PALS2: variants seen among roughly 807,000 people sequenced by gnomAD.
PALS2 encodes protein PALS2.
Under a neutral mutation model 61.6 loss-of-function variants are expected in PALS2, and 27 were observed. The ratio of observed to expected loss-of-function variants is 0.44; its 90% CI spans 0.32 to 0.60. The LOEUF is 0.60. Ranked by LOEUF, PALS2 falls within the 20% of genes least tolerant of loss-of-function variation. The pLI is 0.05. For missense variants in PALS2, 554 were observed against 639.4 expected, an observed-to-expected ratio of 0.87 and a Z score of 1.44; for synonymous variants, 236 against 218.6, an observed-to-expected ratio of 1.08 and a Z score of -0.70.
intron 9 of PALS2, among the ~76,000 whole-genome samples, chr7:24,674,793 T>C (rs1787474848): frequency 6.6e-6 from 1 of 152,160 alleles, no homozygotes; most frequent in African/African-American, 2.4e-5. Flanking sequence ...AGAAAAACAT[T>C]GTTATTTTAG....
intron 8 of PALS2, among the ~76,000 whole-genome samples, chr7:24,667,473 T>C (rs1172410265): frequency 6.6e-6 from 1 of 152,122 alleles, no homozygotes; most frequent in Non-Finnish European, 1.5e-5. Flanking sequence ...GGAACTTACT[T>C]AAGCAACCAC....
Position 24,574,488 on chromosome 7 carries a change from T to A in PALS2, c.-3+895T>A, listed in dbSNP as rs1460180056. 5.3e-5 allele frequency among the ~76,000 whole-genome samples: 8 copies of A among 152,054 alleles called. No individual in the cohort carries two copies. In the East Asian group the frequency reaches 1.5e-3, roughly 29 times the overall value. Reference sequence around the variant, plus strand: ...TCTGGGATTGCAGCTCGAGATTACATTTGTTAAACTTCCATCAGTTGGGTG... The same window carrying A: ...TCTGGGATTGCAGCTCGAGATTACAATTGTTAAACTTCCATCAGTTGGGTG... On this transcript the variant is annotated intron_variant, in intron 1 of 11. Coordinates refer to ENST00000222644, the MANE Select transcript of PALS2 (RefSeq NM_001303037.2).
chr7:24,657,344 T>C (rs1786474518), intron 5 of PALS2, among the ~76,000 whole-genome samples: 1 of 152,196 alleles, frequency 6.6e-6, no homozygotes, highest in Non-Finnish European at 1.5e-5. Context: ...TATATGAAAG[T>C]TCCAATTACT....
chr7:24,599,253 C>T (rs2128046636), intron 1 of PALS2, among the ~76,000 whole-genome samples: 1 of 152,180 alleles, frequency 6.6e-6, no homozygotes, highest in East Asian at 1.9e-4. Flanking sequence ...ATGAATGGAG[C>T]TTGCAGAACT....
At position 24,679,224 on chromosome 7, in the gene PALS2, A is replaced by G. The variant is rs751658191; in HGVS notation, c.1208A>G (p.Lys403Arg). 5.6e-6 allele frequency: 9 copies of G among 1,613,924 alleles called. No individual in the cohort carries two copies. The highest frequency in any genetic ancestry group is 1.3e-5 in the African/African-American group (1 of 74,926). The change falls in exon 10 of 12, where the codon AAG (lysine) becomes AGG (arginine). Residue 403 changes from lysine (K) to arginine (R), a missense_variant. Lys to Arg is a conservative substitution (Grantham distance 26). Transcript: ENST00000222644. ...SEMEADIKAGKYLEHGEYEGN... is the reference protein window; with the variant it reads ...SEMEADIKAGRYLEHGEYEGN... ...ATGGAAGCAGATATTAAAGCTGGAA[A>G]GTATTTGGAACATGGGGAATATGAA...
At chr7:24,619,289 G>T (rs75743759) in intron 1 of PALS2, among the ~76,000 whole-genome samples, 9,597 of 152,108 alleles carry the variant, frequency 0.063, 351 homozygotes, top group African/African-American at 0.093. Context: ...GGAGGCTCAT[G>T]CTTTTGTTTG....
chr7:24,670,993 A>G (rs1242308790), intron 9 of PALS2, among the ~76,000 whole-genome samples: 1 of 152,198 alleles, frequency 6.6e-6, no homozygotes, highest in African/African-American at 2.4e-5. Context: ...CAGCATTTGT[A>G]TACAGGTATT....
chr7:24,635,780 A>G (rs554412209), intron 2 of PALS2, among the ~76,000 whole-genome samples: 1 of 152,230 alleles, frequency 6.6e-6, no homozygotes, highest in South Asian at 2.1e-4. Flanking sequence ...ATTTTATTTT[A>G]TGGATATGTC....
chr7:24,594,543 G>C (rs193074324), intron 1 of PALS2, among the ~76,000 whole-genome samples: 3 of 152,164 alleles, frequency 2.0e-5, no homozygotes, highest in Admixed American at 1.3e-4. Flanking sequence ...AGAGATTATT[G>C]TAGAATTATT....
At chr7:24,640,072 C>G (rs1045875037) in intron 2 of PALS2, among the ~76,000 whole-genome samples, 2 of 151,988 alleles carry the variant, frequency 1.3e-5, no homozygotes, top group Non-Finnish European at 2.9e-5. Flanking sequence ...CCATCTTGGC[C>G]TCCCAAAGTG....
intron 3 of PALS2, 152 bp downstream of exon 3, chr7:24,642,020 A>G (rs1785583412): frequency 1.3e-6 from 1 of 764,892 alleles, no homozygotes. Context: ...TAATGTCCTC[A>G]TATGCTGAGG....
chr7:24,679,062 A>T, intron 9 of PALS2, 69 bp from the exon 10 acceptor site: 1 of 1,396,226 alleles, frequency 7.2e-7, no homozygotes, highest in Non-Finnish European at 1.0e-6. Flanking sequence ...AAGCCACCCT[A>T]TGTATTTTAG....
intron 1 of PALS2, among the ~76,000 whole-genome samples, chr7:24,601,622 T>G (rs1486821926): frequency 1.3e-5 from 2 of 152,142 alleles, no homozygotes; most frequent in East Asian, 1.9e-4. Flanking sequence ...GCATGTCTTT[T>G]TTTTTGTTTT....
At chr7:24,631,882 GCA>G (rs1785011061) in intron 2 of PALS2, among the ~76,000 whole-genome samples, 2 of 152,260 alleles carry the variant, frequency 1.3e-5, no homozygotes, top group Admixed American at 1.3e-4. Context: ...TATTGCAGTT[GCA>G]CACTTAATAG....
At chr7:24,673,281 G>A (rs1462511981) in intron 9 of PALS2, among the ~76,000 whole-genome samples, 6 of 151,804 alleles carry the variant, frequency 4.0e-5, no homozygotes, top group Non-Finnish European at 8.8e-5. Context: ...GTCTTTTTTT[G>A]TATACTTCTA....
intron 9 of PALS2, among the ~76,000 whole-genome samples, chr7:24,669,766 T>C (rs77686030): frequency 0.039 from 5,922 of 152,310 alleles, 154 homozygotes; most frequent in Non-Finnish European, 0.058. Flanking sequence ...GTGCTACTTA[T>C]AATCCCTTCA....
At chr7:24,679,933 A>G (rs943736110) in intron 10 of PALS2, among the ~76,000 whole-genome samples, 17 of 152,154 alleles carry the variant, frequency 1.1e-4, no homozygotes, top group Non-Finnish European at 2.9e-5. Context: ...GAAAAATTCT[A>G]TATAGATTCT....
chr7:24,573,600 T>C lies in PALS2; in HGVS notation c.-3+7T>C. On this transcript the variant is annotated splice_region_variant and intron_variant, in intron 1 of 11. Coordinates refer to ENST00000222644, the MANE Select transcript of PALS2 (RefSeq NM_001303037.2). This position sits in a 1 kb window ranked among gnomAD's most constrained non-coding sequence, Gnocchi z 5.3. ...GCGGCTGAGGTGCGAGCCGGTGAGT[T>C]AACTGGACCCCCACGCCGCTCGGGT... is the stretch of plus-strand genomic sequence containing the variant. 2.8e-6 allele frequency: 1 copy of C among 361,986 alleles called. No individual in the cohort carries two copies. The highest frequency in any genetic ancestry group is 4.9e-6 in the Non-Finnish European group (1 of 203,778). The allele number at this position is 361,986 out of a possible 1,614,324, so 22.4% of individuals were successfully genotyped here.
intron 2 of PALS2, among the ~76,000 whole-genome samples, chr7:24,627,043 C>G (rs908331563): frequency 6.6e-6 from 1 of 152,204 alleles, no homozygotes; most frequent in African/African-American, 2.4e-5. Flanking sequence ...ACAGAACTCT[C>G]CACCCCAAAT....
Sources: gnomAD v4.1 joint callset for allele counts (sites outside exome capture counted in the v4.1 genomes callset) on GRCh38, gnomAD v4.1.1 for gene constraint, Gnocchi (gnomAD v3.1) non-coding constraint, MANE v1.5 for transcripts, NCBI Gene and HGNC (gene_info 2026-07-23, HGNC 2026-07-21) for gene names.